The following KAT14 variants were observed in gnomAD, a reference collection of about 807,000 sequenced individuals.
The protein encoded by KAT14 is cysteine-rich protein 2-binding protein.
In KAT14, 66 loss-of-function variants were observed where a neutral mutation model predicts 78.4. That is an observed-to-expected ratio of 0.84 (90% CI 0.69 to 1.03). The LOEUF is 1.03. Among genes scored for constraint, KAT14 ranks in the 50% least tolerant of loss-of-function variants. KAT14 has a pLI of 0.00. For missense variants in KAT14, 870 were observed against 972.5 expected, an observed-to-expected ratio of 0.89 and a Z score of 1.40; for synonymous variants, 344 against 359.4, an observed-to-expected ratio of 0.96 and a Z score of 0.48.
chr20:18,149,223 T>C (rs1378421480), intron 3 of KAT14, among the ~76,000 whole-genome samples: 1 of 152,240 alleles, frequency 6.6e-6, no homozygotes, highest in African/African-American at 2.4e-5. Context: ...GAAATATGCA[T>C]AACATATAGT....
intron 7 of KAT14, among the ~76,000 whole-genome samples, chr20:18,180,208 C>T (rs1200706533): frequency 1.3e-5 from 2 of 152,202 alleles, no homozygotes; most frequent in African/African-American, 4.8e-5. Context: ...TTAGAAATTT[C>T]TTCCACCAGA....
Position 18,162,542 on chromosome 20 carries a change from G to A in KAT14, c.1265G>A (p.Arg422Lys). The A allele has an allele frequency of 1.9e-6, 3 of 1,614,138 alleles. No homozygotes were observed. The highest frequency in any genetic ancestry group is 2.5e-6 in the Non-Finnish European group (3 of 1,180,028). The change falls in exon 7 of 11, where the codon AGG becomes AAG. Residue 422 changes from arginine (R) to lysine (K), a missense_variant. Physicochemically the swap from Arg to Lys is conservative, Grantham distance 26 (BLOSUM62 2). Coordinates refer to ENST00000688188, the MANE Select transcript of KAT14 (RefSeq NM_001392073.1). ...EVESEEEKPD[R>K]MDIDSEDTDS... ...GAGAGTGAGGAGGAAAAACCCGACA[G>A]GATGGATATTGACAGTGAAGACACA... is the stretch of plus-strand genomic sequence containing the variant.
In KAT14 at chr20:18,183,285, G is replaced by GT. The variant is rs1370640495; in HGVS notation, c.1975dup (p.Trp659LeufsTer5). 1.2e-6 allele frequency: 2 copies of GT among 1,613,294 alleles called. No individual in the cohort carries two copies. The highest frequency in any genetic ancestry group is 1.7e-5 in the Admixed American group (1 of 59,940). ...CAACGATCAACTCCATGTGTCAGGA[G>GT]TTTTTTTGGCCTGGTATGTTCCCCC... On this transcript the variant is annotated frameshift_variant, in exon 9 of 11. Transcript: ENST00000688188. LOFTEE classifies it high-confidence loss of function.
chr20:18,172,646 G>A (rs1312704039), intron 7 of KAT14, among the ~76,000 whole-genome samples: 8 of 152,142 alleles, frequency 5.3e-5, no homozygotes, highest in African/African-American at 1.9e-4. Context: ...TTATTGCAGT[G>A]GTCTGGCACT....
Position 18,142,181 on chromosome 20 carries a change from ACTGAAAT to A in KAT14, c.-453-23_-453-17del, listed in dbSNP as rs2037612305. On this transcript the variant is annotated intron_variant, in intron 1 of 10. Coordinates refer to ENST00000688188, the MANE Select transcript of KAT14 (RefSeq NM_001392073.1). ...ATGGGGACCACCTGTTCGGGATGTTACTGAAATCTGTTTCTTACGTTTTTAGAGGCTT... is the reference window on the plus strand; with the variant it reads ...ATGGGGACCACCTGTTCGGGATGTTACTGTTTCTTACGTTTTTAGAGGCTT... The A allele has an allele frequency of 6.5e-7, 1 of 1,533,062 alleles. No homozygotes were observed. The highest frequency in any genetic ancestry group is 1.4e-5 in the African/African-American group (1 of 72,950). 95.0% of individuals were successfully genotyped at this position (1,533,062 alleles called of 1,614,324 possible).
chr20:18,187,245 C>G (rs200127310), intron 10 of KAT14, 41 bp from the exon 11 acceptor site: 11 of 1,561,602 alleles, frequency 7.0e-6, no homozygotes, highest in East Asian at 4.6e-5. Flanking sequence ...TTCCCTCAGG[C>G]CTTTCCATTT....
chr20:18,150,689 C>A, intron 3 of KAT14, 132 bp from the exon 4 acceptor site: 3 of 1,404,330 alleles, frequency 2.1e-6, no homozygotes, highest in Admixed American at 4.5e-5. Flanking sequence ...TTCCAAGATA[C>A]CGTCCGTCCT....
chr20:18,182,705 G>T (rs1035466754), intron 8 of KAT14, among the ~76,000 whole-genome samples: 5 of 152,134 alleles, frequency 3.3e-5, no homozygotes, highest in Admixed American at 3.3e-4. Context: ...CCACATTCCT[G>T]GGCAGGCACA....
intron 4 of KAT14, among the ~76,000 whole-genome samples, chr20:18,157,290 A>G (rs2038259060): frequency 6.6e-6 from 1 of 152,190 alleles, no homozygotes; most frequent in Non-Finnish European, 1.5e-5. Flanking sequence ...GTAATGGCTC[A>G]CTGCAGCCAC....
At chr20:18,172,644 G>A (rs2038889168) in intron 7 of KAT14, among the ~76,000 whole-genome samples, 1 of 152,214 alleles carries the variant, frequency 6.6e-6, no homozygotes, top group Non-Finnish European at 1.5e-5. Context: ...CTTTATTGCA[G>A]TGGTCTGGCA....
chr20:18,143,522 A>G (rs2037672701), intron 2 of KAT14, among the ~76,000 whole-genome samples: 1 of 150,718 alleles, frequency 6.6e-6, no homozygotes, highest in African/African-American at 2.4e-5. Context: ...GCTAGAGTGC[A>G]ATGGCATGAT....
At position 18,142,262 on chromosome 20, in the gene KAT14, A is replaced by T. The variant is rs1028068167; in HGVS notation, c.-399A>T. The T allele has an allele frequency of 6.5e-7, 1 of 1,537,100 alleles. No homozygotes were observed. Among genetic ancestry groups the T allele is most frequent in the African/African-American group, 1.4e-5 (1 of 73,044 alleles). Reference sequence around the variant, plus strand: ...TGAGAGGCAAATTCGGAAAAAAGAAAACATTCGTCTTTTGGGAGAACAGAT... The same window carrying T: ...TGAGAGGCAAATTCGGAAAAAAGAATACATTCGTCTTTTGGGAGAACAGAT... On this transcript the variant is annotated 5_prime_UTR_variant, in exon 2 of 11. Transcript: ENST00000688188.
At chr20:18,150,976 G>A (rs1009545) in intron 4 of KAT14, 34 bp downstream of exon 4, 148,816 of 1,605,886 alleles carry the variant, frequency 0.093, 7,986 homozygotes, top group African/African-American at 0.22. Flanking sequence ...ATACTTCAAG[G>A]AATATGTAAA....
chr20:18,162,397 G>A lies in KAT14; in HGVS notation c.1120G>A (p.Asp374Asn), dbSNP rs143607429. 5.5e-5 allele frequency: 88 copies of A among 1,613,066 alleles called. 2 individuals carry two copies. The South Asian group carries it at 7.3e-4, about 13-fold the overall frequency. The change falls in exon 7 of 11, where the codon GAT becomes AAT. Residue 374 changes from aspartate to asparagine, a missense_variant. Physicochemically the swap from Asp to Asn is conservative, Grantham distance 23 (BLOSUM62 1). Transcript: ENST00000688188. ...LFHDDDEMEG[D>N]GVIDPGMEYV... The stretch of plus-strand genomic sequence containing the variant: ...CACAGATGACGATGAGATGGAAGGC[G>A]ATGGAGTCATAGACCCAGGGATGGA...
chr20:18,182,939 G>C (rs2039314883), intron 8 of KAT14, among the ~76,000 whole-genome samples, 184 bp from the exon 9 acceptor site: 1 of 152,146 alleles, frequency 6.6e-6, no homozygotes, highest in South Asian at 2.1e-4. Context: ...CCTGATGAAT[G>C]TTCAGAGTGA....
At position 18,142,392 on chromosome 20, in the gene KAT14, G is replaced by A. The variant is rs761994279; in HGVS notation, c.-269G>A. On this transcript the variant is annotated 5_prime_UTR_variant, in exon 2 of 11. Coordinates refer to ENST00000688188, the MANE Select transcript of KAT14 (RefSeq NM_001392073.1). ...GAAATATCTGTTGGACAGACAACAC[G>A]AGTTTGTGTGTGTGTGTTGATGGAG... The A allele has an allele frequency of 1.2e-5, 19 of 1,524,142 alleles. No homozygotes were observed. The African/African-American group carries it at 1.8e-4, about 14-fold the overall frequency. The allele number at this position is 1,524,142 out of a possible 1,614,324, so 94.4% of individuals were successfully genotyped here. A position where few individuals can be genotyped will look rare whatever the true frequency, so the allele number is the denominator to read the frequency against.
intron 9 of KAT14, chr20:18,183,520 T>G: frequency 1.0e-6 from 1 of 985,190 alleles, no homozygotes; most frequent in Non-Finnish European, 1.2e-6. Context: ...CTTCCCTGTT[T>G]GTCTCTGTTT....
At chr20:18,171,840 A>T (rs999616235) in intron 7 of KAT14, among the ~76,000 whole-genome samples, 1 of 152,142 alleles carries the variant, frequency 6.6e-6, no homozygotes, top group Non-Finnish European at 1.5e-5. Flanking sequence ...TGTGAAAGGA[A>T]GAGCAGGTCA....
rs118109715 is a variant in KAT14 at position 18,177,143 on chromosome 20, G to C, written c.1669-4567G>C. 6.4e-3 allele frequency among the ~76,000 whole-genome samples: 976 copies of C among 152,284 alleles called. 4 individuals are homozygous for C. The highest frequency in any genetic ancestry group is 9.6e-3 in the Non-Finnish European group (655 of 68,020). On this transcript the variant is annotated intron_variant, in intron 7 of 10. Transcript: ENST00000688188. Reference sequence around the variant, plus strand: ...ATCCCTGTATCTTTTTTCTGATTCTGTGGATTGACTGGGCACTGTTGGGTT... The same window carrying C: ...ATCCCTGTATCTTTTTTCTGATTCTCTGGATTGACTGGGCACTGTTGGGTT...
Sources: gnomAD v4.1 joint callset for allele counts (sites outside exome capture counted in the v4.1 genomes callset) on GRCh38, gnomAD v4.1.1 for gene constraint, MANE v1.5 for transcripts, NCBI Gene and HGNC (gene_info 2026-07-23, HGNC 2026-07-21) for gene names.